ZBTB20: variants seen among roughly 807,000 people sequenced by gnomAD.
The protein encoded by ZBTB20 is zinc finger and BTB domain-containing protein 20.
ZBTB20 carries 9 observed loss-of-function variants against 56.9 expected under a neutral mutation model. The ratio of observed to expected loss-of-function variants is 0.16; its 90% CI spans 0.10 to 0.28. ZBTB20 has a LOEUF of 0.28. ZBTB20 is among the 10% of genes least tolerant of loss of function. ZBTB20 has a pLI of 1.00. For synonymous variants in ZBTB20, 417 were observed against 420.7 expected (o/e 0.99, Z 0.11); for missense variants, 655 against 1,003.0 (o/e 0.65, Z 4.69).
chr3:114,662,721 TC>T (rs1160960816), intron 6 of ZBTB20, among the ~76,000 whole-genome samples: 1 of 149,908 alleles, frequency 6.7e-6, no homozygotes, highest in African/African-American at 2.5e-5. Flanking sequence ...AAGTGTCTGT[TC>T]ATGTCCTTCG....
intron 7 of ZBTB20, among the ~76,000 whole-genome samples, chr3:114,415,599 T>C (rs2088463454): frequency 6.6e-6 from 1 of 152,152 alleles, no homozygotes; most frequent in Non-Finnish European, 1.5e-5. Flanking sequence ...GATGGCCTGA[T>C]ATAATACTTT....
At chr3:114,784,384 A>C (rs1405881135) in intron 5 of ZBTB20, among the ~76,000 whole-genome samples, 1 of 152,224 alleles carries the variant, frequency 6.6e-6, no homozygotes, top group Non-Finnish European at 1.5e-5. Context: ...GAAAAGAGTG[A>C]ACAGAAATAT....
chr3:114,815,318 C>T (rs1241494375), intron 4 of ZBTB20, among the ~76,000 whole-genome samples: 1 of 151,986 alleles, frequency 6.6e-6, no homozygotes, highest in Non-Finnish European at 1.5e-5. Context: ...TGAATACATG[C>T]CCATTGCAAA....
At position 114,329,903 on chromosome 3, in the gene ZBTB20, C is replaced by T. The variant is rs935895083; in HGVS notation, c.*9102G>A. Reference sequence around the variant, plus strand: ...GACAACTAGGTAATTCACTGTCTTACGCTTTTCAGAAGACTGGCCCTTTGA... The same window carrying T: ...GACAACTAGGTAATTCACTGTCTTATGCTTTTCAGAAGACTGGCCCTTTGA... On this transcript the variant is annotated 3_prime_UTR_variant, in exon 12 of 12. Transcript: ENST00000675478. 1.5e-4 allele frequency: 23 copies of T among 152,122 alleles called. No homozygotes were observed. Among genetic ancestry groups the T allele is most frequent in the African/African-American group, 5.3e-4 (22 of 41,424 alleles). 9.4% of individuals were successfully genotyped at this position (152,122 alleles called of 1,614,324 possible).
intron 1 of ZBTB20, among the ~76,000 whole-genome samples, chr3:115,075,291 C>G (rs2082555182): frequency 6.6e-6 from 1 of 152,022 alleles, no homozygotes; most frequent in South Asian, 2.1e-4. Flanking sequence ...TTTCCCTTTC[C>G]TTCAGCCCTT....
At chr3:114,937,007 A>G (rs1165226081) in intron 3 of ZBTB20, among the ~76,000 whole-genome samples, 1 of 152,210 alleles carries the variant, frequency 6.6e-6, no homozygotes, top group East Asian at 1.9e-4. Flanking sequence ...GCATGCAGGA[A>G]AGTCCTGAGA....
At chr3:114,680,560 A>G (rs982424365) in intron 6 of ZBTB20, among the ~76,000 whole-genome samples, 1 of 152,348 alleles carries the variant, frequency 6.6e-6, no homozygotes, top group East Asian at 1.9e-4. Context: ...ACCAGTGCTC[A>G]GTAACTATTA....
In ZBTB20 at chr3:114,407,836, T is replaced by C. The variant is rs1354422691; in HGVS notation, c.-254-18731A>G. The stretch of plus-strand genomic sequence containing the variant: ...TTTGCCTTTTTATTACCTCTGAAAA[T>C]AGGATTTCTAAGCAAACTAATAACC... On this transcript the variant is annotated intron_variant, in intron 7 of 11. Coordinates refer to ENST00000675478, the MANE Select transcript of ZBTB20 (RefSeq NM_001348800.3). 2.6e-5 allele frequency among the ~76,000 whole-genome samples: 4 copies of C among 151,440 alleles called. No homozygotes were observed. In the East Asian group the frequency reaches 5.8e-4, roughly 22 times the overall value.
rs1274094591 is a variant in ZBTB20 at position 114,481,153 on chromosome 3, A to AT, written c.-255+19198dup. Among the ~76,000 whole-genome samples the AT allele has an allele frequency of 4.0e-5, 6 of 151,842 alleles. No homozygotes were observed. In the East Asian group the frequency reaches 5.8e-4, roughly 15 times the overall value. Reference sequence around the variant, plus strand: ...TATATTTTAAATGGCTTAAGTATATATTTTTTGTGGATTGCACATTCTGTA... The same window carrying AT: ...TATATTTTAAATGGCTTAAGTATATATTTTTTTGTGGATTGCACATTCTGTA... On this transcript the variant is annotated intron_variant, in intron 7 of 11. Coordinates refer to ENST00000675478, the MANE Select transcript of ZBTB20 (RefSeq NM_001348800.3).
At chr3:114,975,968 A>G (rs142413559) in intron 2 of ZBTB20, among the ~76,000 whole-genome samples, 2 of 152,208 alleles carry the variant, frequency 1.3e-5, no homozygotes, top group Non-Finnish European at 2.9e-5. Context: ...ATGAATGAAC[A>G]GCCTAACCAA....
rs772609286 is a variant in ZBTB20 at position 114,339,389 on chromosome 3, G to T, written c.1842C>A (p.Ser614=). 5 of 1,613,814 alleles carry T rather than the reference G, an allele frequency of 3.1e-6. No homozygotes were observed. The highest frequency in any genetic ancestry group is 4.2e-6 in the Non-Finnish European group (5 of 1,179,994). Residue 614 remains serine, a synonymous_variant, in exon 12 of 12, where the codon TCC becomes TCA. Coordinates refer to ENST00000675478, the MANE Select transcript of ZBTB20 (RefSeq NM_001348800.3). This position sits in a 1 kb window ranked among gnomAD's most constrained non-coding sequence, Gnocchi z 4.2. ...TGATAAGGTAATCCTTTAAGGAGAA[G>T]GAGCGCCAACAGATGCTGCATTGGT... ...KPHQCSICWR[S]FSLKDYLIKH... is the part of the protein sequence containing the mutation.
chr3:114,723,780 A>G (rs539670971), intron 5 of ZBTB20, among the ~76,000 whole-genome samples: 78 of 152,370 alleles, frequency 5.1e-4, no homozygotes, highest in Non-Finnish European at 1.1e-3. Flanking sequence ...TTAGCCTCAC[A>G]TTATTGTGAG....
intron 1 of ZBTB20, among the ~76,000 whole-genome samples, chr3:115,078,562 G>A (rs1381437939): frequency 4.7e-5 from 7 of 148,704 alleles, no homozygotes; most frequent in African/African-American, 1.7e-4. Context: ...ATACATTTTA[G>A]TCTAAGTATA....
At chr3:114,971,073 T>C (rs935167157) in intron 3 of ZBTB20, among the ~76,000 whole-genome samples, 1 of 151,864 alleles carries the variant, frequency 6.6e-6, no homozygotes, top group African/African-American at 2.4e-5. Flanking sequence ...AGAGAGAACA[T>C]ATGGTACAAT....
chr3:114,852,645 A>G (rs2075059914), intron 4 of ZBTB20, among the ~76,000 whole-genome samples: 1 of 152,074 alleles, frequency 6.6e-6, no homozygotes, highest in African/African-American at 2.4e-5. Flanking sequence ...TTCTTGTATA[A>G]TTCTTCTTGT....
chr3:114,694,394 T>C (rs1578380873), intron 5 of ZBTB20, among the ~76,000 whole-genome samples: 1 of 152,170 alleles, frequency 6.6e-6, no homozygotes, highest in African/African-American at 2.4e-5. Context: ...AAGCTACAGG[T>C]GGTTTTCCCA....
At chr3:114,590,529 A>AAAT (rs1412671937) in intron 6 of ZBTB20, among the ~76,000 whole-genome samples, 1 of 149,172 alleles carries the variant, frequency 6.7e-6, no homozygotes, top group African/African-American at 2.4e-5. Context: ...AATAAAAAAT[A>AAAT]AACAAAAATA....
chr3:114,340,327 T>C (rs1290755603), intron 11 of ZBTB20, among the ~76,000 whole-genome samples: 3 of 152,044 alleles, frequency 2.0e-5, no homozygotes, highest in African/African-American at 4.8e-5. Flanking sequence ...AGTGTGGGAA[T>C]ACATGCATGG....
Position 114,494,578 on chromosome 3 carries a change from A to C in ZBTB20, c.-255+5774T>G, listed in dbSNP as rs2043078915. 1.3e-5 allele frequency among the ~76,000 whole-genome samples: 2 copies of C among 152,222 alleles called. 1 individual carries two copies. Among genetic ancestry groups the C allele is most frequent in the Admixed American group, 1.3e-4 (2 of 15,286 alleles). ...CCATTGGTGGGAAAGCCCTTGGTCT[A>C]TATTTCTCAGGTAGGTAGAACTGAT... is the stretch of plus-strand genomic sequence containing the variant. On this transcript the variant is annotated intron_variant, in intron 7 of 11. Transcript: ENST00000675478.
Sources: gnomAD v4.1 joint callset for allele counts (sites outside exome capture counted in the v4.1 genomes callset) on GRCh38, gnomAD v4.1.1 for gene constraint, Gnocchi (gnomAD v3.1) non-coding constraint, MANE v1.5 for transcripts, NCBI Gene and HGNC (gene_info 2026-07-23, HGNC 2026-07-21) for gene names.